Variants in CD8B2 observed in about 807,000 individuals in gnomAD.
CD8B2 encodes T-cell surface glycoprotein CD8 beta-2 chain.
CD8B2 carries 11 observed loss-of-function variants against 23.7 expected under a neutral mutation model. The observed-to-expected ratio is 0.46, with a 90% confidence interval of 0.29 to 0.77. The LOEUF (loss-of-function observed/expected upper bound fraction) is 0.77, where lower values mean the gene tolerates loss of function less well. Among genes scored for constraint, CD8B2 ranks in the 30% least tolerant of loss-of-function variants. The pLI, the probability that CD8B2 is intolerant of heterozygous loss-of-function variation, is 0.09. For missense variants in CD8B2, 197 were observed against 270.5 expected (o/e 0.73, Z 1.91); for synonymous variants, 90 against 109.3 (o/e 0.82, Z 1.10).
downstream of CD8B2, among the ~76,000 whole-genome samples, chr2:106,513,108 C>T (rs545991905): frequency 5.3e-4 from 81 of 152,028 alleles, no homozygotes; most frequent in Non-Finnish European, 8.8e-4. Context: ...CCTCTGCTGG[C>T]TCCCCCACCC....
At chr2:106,500,902 T>TATGAAAATAGGCCAAAGCTTA (rs1679393035) in intron 3 of CD8B2, among the ~76,000 whole-genome samples, 1 of 151,856 alleles carries the variant, frequency 6.6e-6, no homozygotes, top group Admixed American at 6.6e-5. Flanking sequence ...GTTCCCAATA[T>TATGAAAATAGGCCAAAGCTTA]ATGAAAATAG....
chr2:106,501,453 G>A (rs1187412139), intron 3 of CD8B2, among the ~76,000 whole-genome samples: 2 of 152,030 alleles, frequency 1.3e-5, no homozygotes, highest in South Asian at 2.1e-4. Context: ...AGGCTGAGGC[G>A]GGTGGATCAC....
rs1470778884 is a variant in CD8B2 at position 106,496,203 on chromosome 2, C to A, written c.434C>A (p.Thr145Asn). Reference sequence around the variant, plus strand: ...TTCCTTCCCACCACTGCCCAGCCCACCAAGAAGTCCACCCTCAAGAAGAGA... The same window carrying A: ...TTCCTTCCCACCACTGCCCAGCCCAACAAGAAGTCCACCCTCAAGAAGAGA... The part of the protein sequence containing the change: ...VDFLPTTAQP[T>N]KKSTLKKRVC... The change falls in exon 3 of 6, where the codon ACC becomes AAC. Residue 145 changes from threonine (T) to asparagine (N), a missense_variant. Thr to Asn is a moderately conservative substitution (Grantham distance 65). Transcript: ENST00000643224. 65 of 1,544,916 alleles carry A rather than the reference C, an allele frequency of 4.2e-5. No individual in the cohort carries two copies. The highest frequency in any genetic ancestry group is 5.2e-5 in the Non-Finnish European group (60 of 1,144,118).
At chr2:106,495,750 C>T (rs1679287083) in intron 2 of CD8B2, among the ~76,000 whole-genome samples, 3 of 152,106 alleles carry the variant, frequency 2.0e-5, no homozygotes. Flanking sequence ...GCCTGGGGAA[C>T]AGTCATAAGG....
At chr2:106,501,025 G>C (rs575518327) in intron 3 of CD8B2, among the ~76,000 whole-genome samples, 2 of 152,320 alleles carry the variant, frequency 1.3e-5, no homozygotes, top group African/African-American at 4.8e-5. Context: ...TGCACTATTG[G>C]CGGGTGGGGA....
At chr2:106,506,678 GT>G (rs1276513270) in intron 5 of CD8B2, among the ~76,000 whole-genome samples, 1 of 150,466 alleles carries the variant, frequency 6.6e-6, no homozygotes, top group Non-Finnish European at 1.5e-5. Context: ...TATTTTAGAG[GT>G]ACTACAGGAA....
At chr2:106,544,262 G>A in exon 6 of CD8B2, 1 of 390,890 alleles carries the variant, frequency 2.6e-6, no homozygotes, top group Non-Finnish European at 4.5e-6. Context: ...TGGAATGTGG[G>A]AAGCAGTTGC....
intron 5 of CD8B2, among the ~76,000 whole-genome samples, chr2:106,517,710 T>TG (rs1447673211): frequency 1.5e-5 from 2 of 131,694 alleles, no homozygotes. Context: ...GTTTTTTTTT[T>TG]GTTTTTTTGT....
chr2:106,492,269 G>T (rs927627162), intron 2 of CD8B2, among the ~76,000 whole-genome samples: 2 of 152,244 alleles, frequency 1.3e-5, no homozygotes, highest in East Asian at 3.9e-4. Context: ...AGCAAGTCCA[G>T]CAGACGCACA....
At chr2:106,516,896 T>A (rs1257030494) in intron 5 of CD8B2, among the ~76,000 whole-genome samples, 1 of 148,838 alleles carries the variant, frequency 6.7e-6, no homozygotes, top group Non-Finnish European at 1.5e-5. Flanking sequence ...GCATTATTCA[T>A]ATTTTTATTA....
At position 106,509,039 on chromosome 2, in the gene CD8B2, G is replaced by A. The variant is rs1001709547; in HGVS notation, c.*2099G>A. 2.7e-5 allele frequency: 4 copies of A among 149,884 alleles called. No individual in the cohort carries two copies. The highest frequency in any genetic ancestry group is 9.9e-5 in the African/African-American group (4 of 40,510). The allele number at this position is 149,884 out of a possible 1,614,324, so 9.3% of individuals were successfully genotyped here. ...GACGTAGGTGTTTCTCCTTCATTCA[G>A]CACGAATTGGCCTTAGATGCCCTGC... On this transcript the variant is annotated 3_prime_UTR_variant, in exon 6 of 6. Coordinates refer to ENST00000643224, the MANE Select transcript of CD8B2 (RefSeq NM_001349727.2).
Position 106,504,334 on chromosome 2 carries a change from A to G in CD8B2, c.620+9A>G. The G allele has an allele frequency of 1.3e-6, 2 of 1,555,778 alleles. No homozygotes were observed. The highest frequency in any genetic ancestry group is 1.7e-6 in the Non-Finnish European group (2 of 1,149,302). The stretch of plus-strand genomic sequence containing the variant: ...CTTCGTTTCATGAAACAGTAAGTGT[A>G]TAACCTGGGTGTGGCCTTGGGTTCC... On this transcript the variant is annotated intron_variant, in intron 5 of 5. Transcript: ENST00000643224.
intron 1 of CD8B2, among the ~76,000 whole-genome samples, chr2:106,489,934 C>G (rs904079393): frequency 5.9e-5 from 9 of 152,148 alleles, no homozygotes; most frequent in Non-Finnish European, 1.2e-4. Flanking sequence ...GAGTCCTGCT[C>G]TAGCTCCTCA....
downstream of CD8B2, among the ~76,000 whole-genome samples, chr2:106,511,231 A>G (rs1320146822): frequency 2.0e-5 from 3 of 152,200 alleles, no homozygotes; most frequent in Non-Finnish European, 4.4e-5. Flanking sequence ...CTGGGTCTTC[A>G]CCAGCTGTAG....
chr2:106,528,345 T>G (rs1679944198), intron 5 of CD8B2, among the ~76,000 whole-genome samples: 1 of 152,200 alleles, frequency 6.6e-6, no homozygotes. Context: ...TCTAAGAGTT[T>G]ATTTTGTTGT....
intron 5 of CD8B2, among the ~76,000 whole-genome samples, chr2:106,530,255 G>C (rs917078341): frequency 2.0e-5 from 3 of 151,754 alleles, no homozygotes; most frequent in Non-Finnish European, 3.0e-5. Flanking sequence ...CCCAGAAATC[G>C]AAGGAGGGCT....
rs70953587 is a variant in CD8B2 at position 106,527,806 on chromosome 2, A to AAAACAAAC, written c.621-16170_621-16163dup. On this transcript the variant is annotated intron_variant, in intron 5 of 5. Coordinates refer to the CD8B2 transcript ENST00000416057. ...TCAAAAACAAACCAAAACAAAACAA[A>AAAACAAAC]AAACAAACAAACAAACAAACAAAAA... Among the ~76,000 whole-genome samples, 1,162 of 151,188 alleles carry AAAACAAAC rather than the reference A, an allele frequency of 7.7e-3. 7 individuals are homozygous for AAAACAAAC. Among genetic ancestry groups the AAAACAAAC allele is most frequent in the Middle Eastern group, 0.038 (11 of 292 alleles).
intron 1 of CD8B2, among the ~76,000 whole-genome samples, chr2:106,489,177 A>G (rs532182935): frequency 6.8e-4 from 98 of 144,246 alleles, no homozygotes; most frequent in African/African-American, 2.1e-3. Context: ...TAATTTTTGT[A>G]TTCTTAGTAG....
At chr2:106,519,905 G>A (rs1679796230) in intron 5 of CD8B2, among the ~76,000 whole-genome samples, 2 of 152,196 alleles carry the variant, frequency 1.3e-5, no homozygotes, top group South Asian at 2.1e-4. Context: ...GACAAGCTTG[G>A]TCTAAGACAT....
Sources: allele counts gnomAD v4.1 joint callset (sites outside exome capture counted in the v4.1 genomes callset), GRCh38; gene constraint gnomAD v4.1.1; transcripts MANE v1.5; gene names NCBI Gene and HGNC (gene_info 2026-07-23, HGNC 2026-07-21).